Variants in BICC1 observed in about 807,000 individuals in gnomAD.
BICC1 encodes the protein protein bicaudal C homolog 1.
BICC1 carries 43 observed loss-of-function variants against 111.0 expected under a neutral mutation model. The observed-to-expected ratio is 0.39, with a 90% confidence interval of 0.30 to 0.50. The LOEUF (loss-of-function observed/expected upper bound fraction) is 0.50, where lower values mean the gene tolerates loss of function less well. Among genes scored for constraint, BICC1 ranks in the 20% least tolerant of loss-of-function variants. The pLI is 0.88. For synonymous variants in BICC1, 467 were observed against 434.4 expected, an observed-to-expected ratio of 1.07 and a Z score of -0.93; for missense variants, 1,091 against 1,203.2, an observed-to-expected ratio of 0.91 and a Z score of 1.38.
At chr10:58,780,350 G>A (rs1193437313) in intron 3 of BICC1, among the ~76,000 whole-genome samples, 10 of 152,120 alleles carry the variant, frequency 6.6e-5, no homozygotes, top group African/African-American at 2.4e-4. Context: ...GTGGGAGGCG[G>A]GGAGGTAGTC....
At chr10:58,788,203 C>T (rs1186625370) in intron 5 of BICC1, among the ~76,000 whole-genome samples, 167 bp from the exon 6 acceptor site, 1 of 152,046 alleles carries the variant, frequency 6.6e-6, no homozygotes, top group Non-Finnish European at 1.5e-5. Context: ...TCTGATTAAG[C>T]AGGTCTGGAT....
At position 58,680,749 on chromosome 10, in the gene BICC1, G is replaced by A. The variant is rs148979274; in HGVS notation, c.238-21325G>A. On this transcript the variant is annotated intron_variant, in intron 2 of 20. Transcript: ENST00000373886. ...TAAGCAAAAAGAACAAAGCTGGAGC[G>A]TCATGCTACCTGACTTCAAACTATA... 6.9e-3 allele frequency among the ~76,000 whole-genome samples: 1,053 copies of A among 151,930 alleles called. 13 individuals carry two copies. Among genetic ancestry groups the A allele is most frequent in the African/African-American group, 0.024 (986 of 41,482 alleles).
intron 2 of BICC1, among the ~76,000 whole-genome samples, chr10:58,649,000 T>C (rs1428584368): frequency 6.6e-6 from 1 of 152,104 alleles, no homozygotes; most frequent in Non-Finnish European, 1.5e-5. Flanking sequence ...TGGCAGAAAC[T>C]TCTCTAATAA....
intron 1 of BICC1, among the ~76,000 whole-genome samples, chr10:58,605,630 T>C (rs1445660125): frequency 6.6e-6 from 1 of 152,256 alleles, no homozygotes; most frequent in East Asian, 1.9e-4. Context: ...GCATATCCTC[T>C]GTACACTTTA....
At chr10:58,826,746 G>A (rs7901135) in intron 20 of BICC1, among the ~76,000 whole-genome samples, 106,654 of 152,052 alleles carry the variant, frequency 0.7, 37,640 homozygotes, top group Admixed American at 0.74. Context: ...GCTATAGAGC[G>A]AGACTGTCCC....
intron 3 of BICC1, among the ~76,000 whole-genome samples, chr10:58,768,632 A>ATGTTAAATG (rs1842525012): frequency 6.6e-6 from 1 of 152,196 alleles, no homozygotes. Flanking sequence ...AGTATTAAAA[A>ATGTTAAATG]TAACTATAGC....
At chr10:58,737,803 C>G (rs1025263720) in intron 3 of BICC1, among the ~76,000 whole-genome samples, 1 of 152,150 alleles carries the variant, frequency 6.6e-6, no homozygotes, top group African/African-American at 2.4e-5. Flanking sequence ...GGTGGTATCT[C>G]ATTTTGGTTT....
At chr10:58,826,474 G>A (rs753684320) in intron 20 of BICC1, among the ~76,000 whole-genome samples, 10 of 149,640 alleles carry the variant, frequency 6.7e-5, no homozygotes, top group Admixed American at 3.4e-4. Context: ...AAAGGAGGCC[G>A]GGTGCGGTGG....
intron 3 of BICC1, among the ~76,000 whole-genome samples, chr10:58,721,696 G>T (rs188834888): frequency 6.6e-6 from 1 of 152,262 alleles, no homozygotes; most frequent in East Asian, 1.9e-4. Flanking sequence ...CAAGAAGAAA[G>T]AGAGGGTCTA....
At chr10:58,595,749 C>T (rs1397808187) in intron 1 of BICC1, among the ~76,000 whole-genome samples, 1 of 152,036 alleles carries the variant, frequency 6.6e-6, no homozygotes, top group Non-Finnish European at 1.5e-5. Flanking sequence ...ACTATGGCCA[C>T]AGGAGAAAGC....
At chr10:58,735,537 T>TTTTTTTTTTTTTTTTTTTTGAGACGG (rs1841440499) in intron 3 of BICC1, among the ~76,000 whole-genome samples, 1 of 152,210 alleles carries the variant, frequency 6.6e-6, no homozygotes, top group African/African-American at 2.4e-5. Context: ...TAAACATTTT[T>TTTTTTTTTTTTTTTTTTTTGAGACGG]AAGTACCTTC....
chr10:58,612,599 TAAA>T (rs34066134), intron 1 of BICC1, among the ~76,000 whole-genome samples: 76 of 145,248 alleles, frequency 5.2e-4, no homozygotes, highest in Admixed American at 8.2e-4. Context: ...TGAGTTGTGT[TAAA>T]AAAAAAAAAA....
chr10:58,616,732 G>A (rs1380457134), intron 1 of BICC1, among the ~76,000 whole-genome samples: 1 of 152,238 alleles, frequency 6.6e-6, no homozygotes, highest in Non-Finnish European at 1.5e-5. Context: ...CCACTTTGTG[G>A]TGGACTTGGC....
At chr10:58,707,766 C>T (rs891280570) in intron 3 of BICC1, among the ~76,000 whole-genome samples, 6 of 151,894 alleles carry the variant, frequency 4.0e-5, no homozygotes, top group African/African-American at 1.2e-4. Flanking sequence ...GGCGCAATCT[C>T]GGCTCACCGC....
At chr10:58,737,927 G>A (rs1248331663) in intron 3 of BICC1, among the ~76,000 whole-genome samples, 1 of 152,068 alleles carries the variant, frequency 6.6e-6, no homozygotes, top group African/African-American at 2.4e-5. Context: ...CCACTTGTTG[G>A]TGGGGTTGTT....
chr10:58,615,311 C>T (rs969758679), intron 1 of BICC1, among the ~76,000 whole-genome samples: 1 of 152,152 alleles, frequency 6.6e-6, no homozygotes, highest in African/African-American at 2.4e-5. Flanking sequence ...TTCAAATGGC[C>T]TCCATCAGTG....
chr10:58,527,984 G>A (rs1307001493), intron 1 of BICC1, among the ~76,000 whole-genome samples: 1 of 151,848 alleles, frequency 6.6e-6, no homozygotes, highest in Admixed American at 6.6e-5. Context: ...TGTAAGGCTG[G>A]CACACAATTG....
intron 2 of BICC1, among the ~76,000 whole-genome samples, chr10:58,638,626 T>C (rs1027358647): frequency 6.6e-6 from 1 of 152,120 alleles, no homozygotes; most frequent in Non-Finnish European, 1.5e-5. Context: ...CTCATCAGCC[T>C]TCTCTGGGTT....
intron 3 of BICC1, among the ~76,000 whole-genome samples, chr10:58,719,651 T>A (rs1381842101): frequency 6.6e-6 from 1 of 152,200 alleles, no homozygotes; most frequent in East Asian, 1.9e-4. Flanking sequence ...TGCCTTTTCT[T>A]TGGACTTTGA....
Sources: gnomAD v4.1 joint callset for allele counts (sites outside exome capture counted in the v4.1 genomes callset) on GRCh38, gnomAD v4.1.1 for gene constraint, MANE v1.5 for transcripts, NCBI Gene and HGNC (gene_info 2026-07-23, HGNC 2026-07-21) for gene names.